ABL1: variants seen among roughly 807,000 people sequenced by gnomAD.
ABL1 encodes the protein tyrosine-protein kinase ABL1.
ABL1 carries 11 observed loss-of-function variants against 94.7 expected under a neutral mutation model. That is an observed-to-expected ratio of 0.12 (90% CI 0.07 to 0.19). ABL1 has a LOEUF of 0.19. ABL1 is among the 10% of genes least tolerant of loss of function. ABL1 has a pLI of 1.00. For missense variants in ABL1, 1,082 were observed against 1,489.4 expected (o/e 0.73, Z 4.50); for synonymous variants, 656 against 622.4 (o/e 1.05, Z -0.80).
chr9:130,853,016 G>T (rs892659415), intron 1 of ABL1, among the ~76,000 whole-genome samples: 11 of 152,124 alleles, frequency 7.2e-5, no homozygotes, highest in Non-Finnish European at 1.5e-4. Flanking sequence ...GAAGGTGTGC[G>T]TCTGTTACGG....
rs2229069 is a variant in ABL1, at chr9:130,862,933, G to A, written c.720G>A (p.Thr240=). 3,464 of 1,614,148 alleles carry A rather than the reference G, an allele frequency of 2.1e-3. 57 individuals carry two copies. In the African/African-American group the frequency reaches 0.036, roughly 17 times the overall value. ...ACGACAAGTGGGAGATGGAACGCAC[G>A]GACATCACCATGAAGCACAAGCTGG... ...PNYDKWEMER[T]DITMKHKLGG... The change falls in exon 4 of 11, where the codon ACG becomes ACA. Residue 240 remains threonine (T), a synonymous_variant. Transcript: ENST00000318560. The surrounding 1 kb of genome is among the most constrained non-coding windows in gnomAD (Gnocchi z 5.5).
In ABL1 at chr9:130,862,697, G is replaced by A; in HGVS notation, c.550-66G>A. 2 of 1,559,298 alleles carry A rather than the reference G, an allele frequency of 1.3e-6. No individual in the cohort carries two copies. Among genetic ancestry groups the A allele is most frequent in the Non-Finnish European group, 1.7e-6 (2 of 1,152,688 alleles). On this transcript the variant is annotated intron_variant, in intron 3 of 10. Coordinates refer to ENST00000318560, the MANE Select transcript of ABL1 (RefSeq NM_005157.6). This position sits in a 1 kb window ranked among gnomAD's most constrained non-coding sequence, Gnocchi z 5.5. ...TAGTGAATTAAGGCTCAGCCAAACTGGCTCACGTGAGCTCTTTGAGCTTGC... is the reference window on the plus strand; with the variant it reads ...TAGTGAATTAAGGCTCAGCCAAACTAGCTCACGTGAGCTCTTTGAGCTTGC...
In ABL1 at chr9:130,878,059, C is replaced by T. The variant is rs375355631; in HGVS notation, c.1271-356C>T. Among the ~76,000 whole-genome samples, 45 of 151,986 alleles carry T rather than the reference C, an allele frequency of 3.0e-4. No individual in the cohort carries two copies. The East Asian group carries it at 6.8e-3, about 23-fold the overall frequency. Reference sequence around the variant, plus strand: ...CAATCTCCTGACCTCGTGATCCGCCCGCCTCGGCCTCCCAAAGTGCTGGGA... The same window carrying T: ...CAATCTCCTGACCTCGTGATCCGCCTGCCTCGGCCTCCCAAAGTGCTGGGA... On this transcript the variant is annotated intron_variant, in intron 7 of 10. Transcript: ENST00000318560.
At chr9:130,848,030 A>T (rs1830800102) in intron 1 of ABL1, among the ~76,000 whole-genome samples, 1 of 152,152 alleles carries the variant, frequency 6.6e-6, no homozygotes, top group Non-Finnish European at 1.5e-5. Flanking sequence ...TTTGAGAAGA[A>T]AAGCATTTCT....
At chr9:130,787,992 G>A (rs1443241736) in intron 1 of ABL1, among the ~76,000 whole-genome samples, 1 of 135,798 alleles carries the variant, frequency 7.4e-6, no homozygotes, top group Non-Finnish European at 1.5e-5. Context: ...TTTTTGTTGG[G>A]TTGAAAGTTC....
At chr9:130,876,739 T>C (rs1454637909) in intron 7 of ABL1, among the ~76,000 whole-genome samples, 3 of 134,720 alleles carry the variant, frequency 2.2e-5, no homozygotes, top group South Asian at 4.7e-4. Context: ...GTTTCTTTTT[T>C]TTTTTTTTTT....
chr9:130,738,675 TATCA>T (rs2132708239), intron 1 of ABL1, among the ~76,000 whole-genome samples: 1 of 152,356 alleles, frequency 6.6e-6, no homozygotes, highest in South Asian at 2.1e-4. Context: ...CTCTTGTTTA[TATCA>T]ATTACCTTGC....
chr9:130,770,405 G>A (rs1457758575), intron 1 of ABL1, among the ~76,000 whole-genome samples: 3 of 152,166 alleles, frequency 2.0e-5, no homozygotes, highest in Non-Finnish European at 2.9e-5. Flanking sequence ...TACTCAAGAG[G>A]CTGAGGCAGG....
In ABL1 at chr9:130,856,643, G is replaced by T. The variant is rs541032804; in HGVS notation, c.549+1547G>T. Reference sequence around the variant, plus strand: ...TTTTCCTGCCCAGAGGCAAGCACTGGTACTAGTTCCTTCTAGAGTTACCTG... The same window carrying T: ...TTTTCCTGCCCAGAGGCAAGCACTGTTACTAGTTCCTTCTAGAGTTACCTG... On this transcript the variant is annotated intron_variant, in intron 3 of 10. Coordinates refer to ENST00000318560, the MANE Select transcript of ABL1 (RefSeq NM_005157.6). Among the ~76,000 whole-genome samples, 3 of 152,320 alleles carry T rather than the reference G, an allele frequency of 2.0e-5. No individual in the cohort carries two copies. In the East Asian group the frequency reaches 5.8e-4, roughly 29 times the overall value.
intron 1 of ABL1, among the ~76,000 whole-genome samples, chr9:130,747,305 G>A (rs971734266): frequency 1.3e-5 from 2 of 152,136 alleles, no homozygotes; most frequent in African/African-American, 4.8e-5. Flanking sequence ...TTAAGCCTGG[G>A]AGGTGGCGGT....
At chr9:130,787,007 T>C (rs1829835910) in intron 1 of ABL1, among the ~76,000 whole-genome samples, 2 of 152,210 alleles carry the variant, frequency 1.3e-5, no homozygotes, top group Admixed American at 1.3e-4. Context: ...TTTTGTTGCA[T>C]TGATCTCTTT....
intron 1 of ABL1, among the ~76,000 whole-genome samples, chr9:130,730,594 CAG>C (rs1831651831): frequency 1.3e-5 from 2 of 150,868 alleles, no homozygotes; most frequent in Non-Finnish European, 2.9e-5. Context: ...TTGTTTGAGG[CAG>C]AGTCTTATTC....
intron 1 of ABL1, among the ~76,000 whole-genome samples, chr9:130,795,674 A>G (rs1007929455): frequency 6.6e-6 from 1 of 152,254 alleles, no homozygotes; most frequent in Non-Finnish European, 1.5e-5. Context: ...CTTTGTAAAC[A>G]TGAACAATTC....
intron 1 of ABL1, among the ~76,000 whole-genome samples, chr9:130,739,732 G>A (rs995009566): frequency 4.6e-5 from 7 of 152,138 alleles, no homozygotes; most frequent in Admixed American, 3.9e-4. Context: ...GTACTGGTAA[G>A]TCCACATCAT....
At chr9:130,753,395 C>G (rs1196939912) in intron 1 of ABL1, among the ~76,000 whole-genome samples, 1 of 149,956 alleles carries the variant, frequency 6.7e-6, no homozygotes, top group Non-Finnish European at 1.5e-5. Flanking sequence ...ACTTGCCTCT[C>G]TCTCATCTCT....
chr9:130,760,983 T>TTTCGCCCAGGCTGGAGTGCACCAC (rs1832106694), intron 1 of ABL1, among the ~76,000 whole-genome samples: 3 of 118,384 alleles, frequency 2.5e-5, no homozygotes, highest in Non-Finnish European at 5.2e-5. Context: ...AGTCTCGCTC[T>TTTCGCCCAGGCTGGAGTGCACCAC]TTCGCCCAGG....
intron 1 of ABL1, among the ~76,000 whole-genome samples, chr9:130,817,170 G>T (rs1171658100): frequency 6.6e-6 from 1 of 152,184 alleles, no homozygotes; most frequent in African/African-American, 2.4e-5. Flanking sequence ...GTAAAGTAGA[G>T]GTTCCTCTTC....
chr9:130,797,236 GAAAAAAAAAAAAA>G (rs71389356), intron 1 of ABL1, among the ~76,000 whole-genome samples: 981 of 55,252 alleles, frequency 0.018, 16 homozygotes, highest in African/African-American at 0.053. Flanking sequence ...ACTCCATCTC[GAAAAAAAAAAAAA>G]AAAAAAAAAA....
At chr9:130,723,817 A>G (rs1220442348) in intron 1 of ABL1, among the ~76,000 whole-genome samples, 4 of 151,788 alleles carry the variant, frequency 2.6e-5, no homozygotes, top group Admixed American at 2.0e-4. Context: ...ACTTTTTTTT[A>G]ACTTTTTTTT....
Sources: allele counts gnomAD v4.1 joint callset (sites outside exome capture counted in the v4.1 genomes callset), GRCh38; gene constraint gnomAD v4.1.1; non-coding constraint Gnocchi (gnomAD v3.1); transcripts MANE v1.5; gene names NCBI Gene and HGNC (gene_info 2026-07-23, HGNC 2026-07-21).